The following PCDHGA2 variants were observed in gnomAD, a reference collection of about 807,000 sequenced individuals.
The protein encoded by PCDHGA2 is protocadherin gamma subfamily A, 2, also known as protocadherin gamma-A2.
In PCDHGA2, 40 loss-of-function variants were observed where a neutral mutation model predicts 59.2. The observed-to-expected ratio is 0.68, with a 90% CI of 0.52 to 0.88. The LOEUF (loss-of-function observed/expected upper bound fraction) is 0.88. Among genes scored for constraint, PCDHGA2 ranks in the 40% least tolerant of loss-of-function variants. The pLI is 0.00. For missense variants in PCDHGA2, 1,226 were observed against 1,204.0 expected, an observed-to-expected ratio of 1.02 and a Z score of -0.27; for synonymous variants, 560 against 526.0, an observed-to-expected ratio of 1.06 and a Z score of -0.89.
intron 1 of PCDHGA2, among the ~76,000 whole-genome samples, chr5:141,452,416 C>T (rs2098741061): frequency 6.6e-6 from 1 of 152,144 alleles, no homozygotes; most frequent in African/African-American, 2.4e-5. Context: ...GAGGTATGCT[C>T]ACTGCTAATG....
intron 1 of PCDHGA2, chr5:141,357,225 G>A: frequency 1.9e-6 from 3 of 1,613,814 alleles, no homozygotes; most frequent in Non-Finnish European, 2.5e-6. Context: ...TGGCTGACTT[G>A]GGCAGCCTCA....
At chr5:141,475,957 G>A (rs776101269) in intron 1 of PCDHGA2, 148 of 812,416 alleles carry the variant, frequency 1.8e-4, no homozygotes, top group Non-Finnish European at 2.6e-4. Flanking sequence ...CTGCGCCCCG[G>A]GATGAGGCAG....
At chr5:141,375,619 G>C in intron 1 of PCDHGA2, 1 of 1,614,216 alleles carries the variant, frequency 6.2e-7, no homozygotes, top group Non-Finnish European at 8.5e-7. Flanking sequence ...CCGACACTGG[G>C]ATTCTGTACG....
intron 1 of PCDHGA2, among the ~76,000 whole-genome samples, chr5:141,452,145 C>T (rs1414317332): frequency 6.6e-6 from 1 of 152,020 alleles, no homozygotes; most frequent in Non-Finnish European, 1.5e-5. Flanking sequence ...GTGTTTTTTC[C>T]AATGAGTTAT....
chr5:141,369,524 C>T (rs1232865331), intron 1 of PCDHGA2, among the ~76,000 whole-genome samples: 1 of 152,138 alleles, frequency 6.6e-6, no homozygotes, highest in Non-Finnish European at 1.5e-5. Context: ...AGTTTTCAAT[C>T]ATACTTATTT....
intron 1 of PCDHGA2, among the ~76,000 whole-genome samples, chr5:141,451,854 C>T (rs1243479409): frequency 6.6e-6 from 1 of 152,058 alleles, no homozygotes; most frequent in Non-Finnish European, 1.5e-5. Flanking sequence ...CCACTCCAGC[C>T]TAGGCCACAG....
intron 1 of PCDHGA2, chr5:141,352,506 A>G (rs770894188): frequency 1.2e-6 from 2 of 1,613,868 alleles, no homozygotes; most frequent in Admixed American, 3.3e-5. Flanking sequence ...TATTCCTACA[A>G]TCTATGTATT....
rs956074945 is a variant in PCDHGA2 at position 141,340,423 on chromosome 5, T to A, written c.1452T>A (p.Asn484Lys). ...VTAHDPDSND[N>K]AHVTYSFAED... ...CCCATGACCCCGACAGCAACGACAATGCTCATGTAACTTACTCTTTCGCGG... is the reference window on the plus strand; with the variant it reads ...CCCATGACCCCGACAGCAACGACAAAGCTCATGTAACTTACTCTTTCGCGG... Residue 484 changes from asparagine (N) to lysine (K), a missense_variant, in exon 1 of 4, where the codon AAT (asparagine) becomes AAA (lysine). Asn to Lys is a moderately conservative substitution (Grantham distance 94). Coordinates refer to ENST00000394576, the MANE Select transcript of PCDHGA2 (RefSeq NM_018915.4). 3 of 1,614,078 alleles carry A rather than the reference T, an allele frequency of 1.9e-6. No individual in the cohort carries two copies. The highest frequency in any genetic ancestry group is 2.7e-5 in the African/African-American group (2 of 74,920).
In PCDHGA2 at chr5:141,477,806, G is replaced by T; in HGVS notation, c.2425-17001G>T. ...ATTTGTCACTGATCGCAATGACAAT[G>T]CCCCCCAGGTCCTATATCCTCGGCC... On this transcript the variant is annotated intron_variant, in intron 1 of 3. Coordinates refer to ENST00000394576, the MANE Select transcript of PCDHGA2 (RefSeq NM_018915.4). The surrounding 1 kb of genome is among the most constrained non-coding windows in gnomAD (Gnocchi z 4.9). 6.2e-7 allele frequency: 1 copy of T among 1,614,118 alleles called. No homozygotes were observed. The highest frequency in any genetic ancestry group is 8.5e-7 in the Non-Finnish European group (1 of 1,180,036).
At chr5:141,343,815 T>C in intron 1 of PCDHGA2, 1 of 474,858 alleles carries the variant, frequency 2.1e-6, no homozygotes, top group Non-Finnish European at 3.7e-6. Flanking sequence ...AGAACGCAGC[T>C]GGAGAACTAG....
In PCDHGA2 at chr5:141,485,079, A is replaced by C; in HGVS notation, c.2425-9728A>C. ...AACCGCGCCAGAGCTGGCGCGGGGA[A>C]AGGGAGATAGGTGTCTCCAGCTGCT... is the stretch of plus-strand genomic sequence containing the variant. On this transcript the variant is annotated intron_variant, in intron 1 of 3. Transcript: ENST00000394576. This position sits in a 1 kb window ranked among gnomAD's most constrained non-coding sequence, Gnocchi z 5.7. 1 of 949,456 alleles carries C rather than the reference A, an allele frequency of 1.1e-6. No individual in the cohort carries two copies. The highest frequency in any genetic ancestry group is 1.6e-6 in the Non-Finnish European group (1 of 614,758). 58.8% of individuals were successfully genotyped at this position (949,456 alleles called of 1,614,324 possible).
intron 1 of PCDHGA2, among the ~76,000 whole-genome samples, chr5:141,449,630 T>C (rs1006977026): frequency 6.7e-6 from 1 of 150,024 alleles, no homozygotes; most frequent in South Asian, 2.1e-4. Flanking sequence ...TTTAAAAAGA[T>C]GTATCTATAT....
At chr5:141,364,748 G>T (rs891416528) in intron 1 of PCDHGA2, 3 of 1,613,978 alleles carry the variant, frequency 1.9e-6, no homozygotes, top group Non-Finnish European at 8.5e-7. Flanking sequence ...AGAGTTAAAA[G>T]TAAAAGTTAA....
chr5:141,361,451 C>T (rs1762026624), intron 1 of PCDHGA2: 1 of 1,614,034 alleles, frequency 6.2e-7, no homozygotes, highest in Non-Finnish European at 8.5e-7. Flanking sequence ...ATAATTGTCA[C>T]CCTGCACATC....
At chr5:141,397,920 T>A (rs2093586320) in intron 1 of PCDHGA2, 15 of 727,102 alleles carry the variant, frequency 2.1e-5, no homozygotes, top group Non-Finnish European at 3.3e-5. Flanking sequence ...CCAGATCTCC[T>A]CGCGCAGCCG....
At position 141,491,613 on chromosome 5, in the gene PCDHGA2, A is replaced by AC; in HGVS notation, c.2425-3190dup. On this transcript the variant is annotated intron_variant, in intron 1 of 3. Coordinates refer to ENST00000394576, the MANE Select transcript of PCDHGA2 (RefSeq NM_018915.4). The surrounding 1 kb of genome is among the most constrained non-coding windows in gnomAD (Gnocchi z 6.9). Reference sequence around the variant, plus strand: ...ACGGCAGTGACTTCACTTTTCTAAGACCCCTCAGCGTTCAGCAGCCCACAG... The same window carrying AC: ...ACGGCAGTGACTTCACTTTTCTAAGACCCCCTCAGCGTTCAGCAGCCCACAG... 6.2e-7 allele frequency: 1 copy of AC among 1,613,568 alleles called. No homozygotes were observed. Among genetic ancestry groups the AC allele is most frequent in the Non-Finnish European group, 8.5e-7 (1 of 1,179,968 alleles).
intron 1 of PCDHGA2, chr5:141,410,511 G>C (rs755576652): frequency 6.2e-7 from 1 of 1,613,824 alleles, no homozygotes; most frequent in Non-Finnish European, 8.5e-7. Flanking sequence ...CTAAAATGCA[G>C]TGTGCCCCTA....
chr5:141,430,804 G>T, intron 1 of PCDHGA2: 2 of 1,525,868 alleles, frequency 1.3e-6, no homozygotes, highest in Non-Finnish European at 1.8e-6. Context: ...GGCTTGTCCT[G>T]CTGGGAATCC....
chr5:141,381,826 C>CTTTTTTTTTTT (rs770630741), intron 1 of PCDHGA2, among the ~76,000 whole-genome samples: 13 of 74,276 alleles, frequency 1.8e-4, no homozygotes, highest in South Asian at 5.1e-4. Flanking sequence ...CTTTCTTCTT[C>CTTTTTTTTTTT]TTTTTTTTTT....
Sources: allele counts gnomAD v4.1 joint callset (sites outside exome capture counted in the v4.1 genomes callset), GRCh38; gene constraint gnomAD v4.1.1; non-coding constraint Gnocchi (gnomAD v3.1); transcripts MANE v1.5; gene names NCBI Gene and HGNC (gene_info 2026-07-23, HGNC 2026-07-21).